Variants in DOCK3 observed in about 807,000 individuals in gnomAD.
DOCK3 encodes dedicator of cytokinesis protein 3.
DOCK3 carries 60 observed loss-of-function variants against 265.6 expected under a neutral mutation model. The ratio of observed to expected loss-of-function variants is 0.23; its 90% CI spans 0.18 to 0.28. DOCK3 has a LOEUF of 0.28. Ranked by LOEUF, DOCK3 falls within the 10% of genes least tolerant of loss-of-function variation. DOCK3 has a pLI of 1.00. For synonymous variants in DOCK3, 881 were observed against 938.0 expected (o/e 0.94, Z 1.11); for missense variants, 1,981 against 2,594.3 (o/e 0.76, Z 5.14).
At chr3:50,894,644 ATAAC>A (rs1273970933) in intron 4 of DOCK3, among the ~76,000 whole-genome samples, 1 of 152,162 alleles carries the variant, frequency 6.6e-6, no homozygotes, top group Non-Finnish European at 1.5e-5. Flanking sequence ...AAGAATAACT[ATAAC>A]TACAAAAACT....
chr3:51,194,880 A>G (rs1045339740), intron 12 of DOCK3, among the ~76,000 whole-genome samples: 3 of 139,804 alleles, frequency 2.1e-5, no homozygotes, highest in Admixed American at 1.6e-4. Context: ...GCTGCAGTGC[A>G]GTGATGCGAT....
At chr3:51,179,779 G>A (rs940527985) in intron 12 of DOCK3, among the ~76,000 whole-genome samples, 5 of 151,972 alleles carry the variant, frequency 3.3e-5, no homozygotes, top group African/African-American at 1.2e-4. Flanking sequence ...GGGCTTGGTG[G>A]TGCATGCCTG....
At chr3:50,731,298 A>G (rs1035924671) in intron 1 of DOCK3, among the ~76,000 whole-genome samples, 1 of 152,244 alleles carries the variant, frequency 6.6e-6, no homozygotes, top group Non-Finnish European at 1.5e-5. Flanking sequence ...GTGTGATAGT[A>G]TAATGATAGA....
chr3:50,926,514 G>T (rs1480411652), intron 4 of DOCK3, among the ~76,000 whole-genome samples: 3 of 152,130 alleles, frequency 2.0e-5, no homozygotes, highest in African/African-American at 7.2e-5. Flanking sequence ...TGTGCTTCTA[G>T]TTATGCATAT....
At position 51,208,852 on chromosome 3, in the gene DOCK3, C is replaced by T. The variant is rs376655049; in HGVS notation, c.1116C>T (p.Ser372=). The T allele has an allele frequency of 4.7e-4, 757 of 1,610,524 alleles. 7 individuals carry two copies. In the South Asian group the frequency reaches 5.8e-3, roughly 12 times the overall value. The change falls in exon 13 of 53, where the codon AGC becomes AGT. Residue 372 remains serine, a synonymous_variant. Coordinates refer to ENST00000266037, the MANE Select transcript of DOCK3 (RefSeq NM_004947.5). The part of the protein sequence containing the change: ...RKSSAKYSAP[S]ASHGLIISLQ... ...CCAGTGCCAAGTACTCTGCCCCCAG[C>T]GCCAGCCATGGTGAGATACTTCTCT...
intron 20 of DOCK3, 94 bp downstream of exon 20, chr3:51,236,522 A>G: frequency 8.9e-7 from 1 of 1,125,888 alleles, no homozygotes; most frequent in Non-Finnish European, 1.3e-6. Flanking sequence ...GTGAATCAGC[A>G]CAAGATATAG....
chr3:51,276,176 C>G (rs1446373973), intron 25 of DOCK3, among the ~76,000 whole-genome samples: 1 of 152,140 alleles, frequency 6.6e-6, no homozygotes, highest in Non-Finnish European at 1.5e-5. Context: ...ATAGGATACT[C>G]TGATGTTCAA....
At chr3:51,215,153 G>A (rs565276270) in intron 14 of DOCK3, among the ~76,000 whole-genome samples, 2 of 152,050 alleles carry the variant, frequency 1.3e-5, no homozygotes, top group Admixed American at 6.5e-5. Context: ...TGTTGCCCAC[G>A]CTGGAGTGCA....
intron 1 of DOCK3, among the ~76,000 whole-genome samples, chr3:50,765,934 C>G (rs932331526): frequency 6.6e-6 from 1 of 152,142 alleles, no homozygotes; most frequent in Admixed American, 6.5e-5. Flanking sequence ...ACCCCCAGCC[C>G]CTGCCCCTGT....
chr3:51,214,012 A>G (rs1246245407), intron 13 of DOCK3, 110 bp from the exon 14 acceptor site: 14 of 1,463,788 alleles, frequency 9.6e-6, no homozygotes, highest in Non-Finnish European at 1.2e-5. Flanking sequence ...TTTTCTCAAG[A>G]ATTTTGCTGA....
chr3:50,810,322 G>A (rs1031119578), intron 2 of DOCK3, among the ~76,000 whole-genome samples: 3 of 151,958 alleles, frequency 2.0e-5, no homozygotes, highest in South Asian at 4.2e-4. Flanking sequence ...AGACCGAGGC[G>A]GGCGGATCAC....
At chr3:51,295,542 A>T (rs1056378336) in intron 27 of DOCK3, among the ~76,000 whole-genome samples, 6 of 152,026 alleles carry the variant, frequency 3.9e-5, no homozygotes, top group African/African-American at 1.2e-4. Flanking sequence ...AAAAAGCATT[A>T]AAAAAAATCC....
intron 40 of DOCK3, among the ~76,000 whole-genome samples, chr3:51,354,184 T>C (rs1202020896): frequency 6.6e-6 from 1 of 151,098 alleles, no homozygotes; most frequent in Non-Finnish European, 1.5e-5. Context: ...TCCCAACTAA[T>C]AAAAGTGATC....
intron 27 of DOCK3, among the ~76,000 whole-genome samples, chr3:51,293,980 T>A (rs1324939300): frequency 6.6e-6 from 1 of 152,194 alleles, no homozygotes; most frequent in Non-Finnish European, 1.5e-5. Context: ...AAAAGGGAAC[T>A]CTTGTACACT....
chr3:51,083,347 C>G lies in DOCK3; in HGVS notation c.550-5896C>G, dbSNP rs530249348. On this transcript the variant is annotated intron_variant, in intron 7 of 52. Transcript: ENST00000266037. ...AAAATTAGAACAAGCAGCTGTTACA[C>G]TGGATGCCCACATATCAATGTAAGG... 2.6e-5 allele frequency among the ~76,000 whole-genome samples: 4 copies of G among 152,276 alleles called. No individual in the cohort carries two copies. The South Asian group carries it at 8.3e-4, about 32-fold the overall frequency.
intron 8 of DOCK3, among the ~76,000 whole-genome samples, chr3:51,089,666 T>G (rs1035083283): frequency 3.9e-5 from 6 of 151,978 alleles, no homozygotes; most frequent in Non-Finnish European, 7.4e-5. Flanking sequence ...CCCAGCACAT[T>G]GGGAGGCCAA....
chr3:50,922,129 G>A (rs764850882), intron 4 of DOCK3, among the ~76,000 whole-genome samples: 2 of 152,208 alleles, frequency 1.3e-5, no homozygotes, highest in Non-Finnish European at 2.9e-5. Flanking sequence ...GCTGCCTTTT[G>A]TTCAGGTATG....
Position 51,383,840 on chromosome 3 carries a change from A to C in DOCK3, c.*2281A>C, listed in dbSNP as rs2088817123. On this transcript the variant is annotated 3_prime_UTR_variant, in exon 53 of 53. Coordinates refer to ENST00000266037, the MANE Select transcript of DOCK3 (RefSeq NM_004947.5). ...TATTTGTACAGGAATTTGAGCAAAA[A>C]ATGTATAGAGTGTGATGTCCAATTG... 6.6e-6 allele frequency: 1 copy of C among 152,660 alleles called. No individual in the cohort carries two copies. The highest frequency in any genetic ancestry group is 2.4e-5 in the African/African-American group (1 of 41,468). 9.5% of individuals were successfully genotyped at this position (152,660 alleles called of 1,614,324 possible).
At chr3:51,150,618 T>C (rs1332652791) in intron 10 of DOCK3, among the ~76,000 whole-genome samples, 1 of 152,234 alleles carries the variant, frequency 6.6e-6, no homozygotes, top group Non-Finnish European at 1.5e-5. Flanking sequence ...CAGGAGCAGA[T>C]TGTTCAGTTT....
Sources: gnomAD v4.1 joint callset for allele counts (sites outside exome capture counted in the v4.1 genomes callset) on GRCh38, gnomAD v4.1.1 for gene constraint, MANE v1.5 for transcripts, NCBI Gene and HGNC (gene_info 2026-07-23, HGNC 2026-07-21) for gene names.